Variants in GREB1 observed in about 807,000 individuals in gnomAD.
GREB1 encodes the protein growth regulating estrogen receptor binding 1.
GREB1 carries 106 observed loss-of-function variants against 200.7 expected under a neutral mutation model. That is an observed-to-expected ratio of 0.53 (90% CI 0.45 to 0.62). GREB1 has a LOEUF of 0.62. GREB1 is among the 20% of genes least tolerant of loss of function. The probability of loss-of-function intolerance (pLI) is 0.00; values close to 1 mark genes in which losing one functional copy is unlikely to be tolerated. For missense variants in GREB1, 2,243 were observed against 2,556.8 expected (o/e 0.88, Z 2.65); for synonymous variants, 1,132 against 1,092.4 (o/e 1.04, Z -0.72).
At chr2:11,507,229 C>T (rs1673205027) in intron 1 of GREB1, among the ~76,000 whole-genome samples, 3 of 151,940 alleles carry the variant, frequency 2.0e-5, no homozygotes, top group Admixed American at 6.6e-5. Context: ...GCCAACGTGG[C>T]GAAACCCCAT....
rs1241079844 is a variant in GREB1 at position 11,618,684 on chromosome 2, T to C, written c.3809T>C (p.Val1270Ala). The C allele has an allele frequency of 1.2e-6, 2 of 1,613,818 alleles. No homozygotes were observed. ...FLPKLVYDMVVSTDSSGLPKA... is the reference protein window; with the variant it reads ...FLPKLVYDMVASTDSSGLPKA... ...CCCAAGCTCGTGTACGACATGGTTGTGTCCACTGACAGCAGTGGCCTGCCC... is the reference window on the plus strand; with the variant it reads ...CCCAAGCTCGTGTACGACATGGTTGCGTCCACTGACAGCAGTGGCCTGCCC... Residue 1270 changes from valine to alanine, a missense_variant, in exon 22 of 33, where the codon GTG becomes GCG. By Grantham distance (64) the Val-to-Ala change is moderately conservative (BLOSUM62 0). Transcript: ENST00000381486.
At chr2:11,607,455 TGTGTG>T (rs1682425103) in intron 17 of GREB1, among the ~76,000 whole-genome samples, 1 of 51,288 alleles carries the variant, frequency 1.9e-5, no homozygotes, top group African/African-American at 3.8e-5. Context: ...TGTGTGTGTG[TGTGTG>T]TATATATATA....
chr2:11,566,750 A>G (rs1572730053), intron 4 of GREB1, 94 bp downstream of exon 4: 1 of 1,179,362 alleles, frequency 8.5e-7, no homozygotes, highest in Non-Finnish European at 1.2e-6. Context: ...CAACAGAGGG[A>G]CCATCTTTGG....
chr2:11,579,337 T>A (rs1679221448), intron 6 of GREB1, among the ~76,000 whole-genome samples: 1 of 152,230 alleles, frequency 6.6e-6, no homozygotes, highest in Non-Finnish European at 1.5e-5. Flanking sequence ...GCTGCTACCT[T>A]TTAGCTGAGT....
intron 13 of GREB1, 117 bp downstream of exon 13, chr2:11,596,356 G>A (rs1681204320): frequency 1.3e-6 from 1 of 799,622 alleles, no homozygotes; most frequent in Non-Finnish European, 2.0e-6. Context: ...TGTGCACAGT[G>A]AGGGGGCAGG....
rs529148421 is a variant in GREB1, at chr2:11,551,052, C to A, written c.-161-5402C>A. On this transcript the variant is annotated intron_variant, in intron 1 of 32. Transcript: ENST00000381486. ...TACTGGTACCATGGGAAGAGAATAGCTCAGGTCAATGTCCCAGCCACCTAG... is the reference window on the plus strand; with the variant it reads ...TACTGGTACCATGGGAAGAGAATAGATCAGGTCAATGTCCCAGCCACCTAG... 9.8e-5 allele frequency among the ~76,000 whole-genome samples: 15 copies of A among 152,316 alleles called. No homozygotes were observed. In the South Asian group the frequency reaches 1.5e-3, roughly 15 times the overall value.
At chr2:11,599,914 A>G (rs903417965) in intron 15 of GREB1, among the ~76,000 whole-genome samples, 3 of 152,228 alleles carry the variant, frequency 2.0e-5, no homozygotes, top group African/African-American at 7.2e-5. Context: ...AGCGCCTGGC[A>G]GGATTTCTGG....
upstream of GREB1, among the ~76,000 whole-genome samples, chr2:11,530,220 C>T (rs1674021873): frequency 6.6e-6 from 1 of 151,912 alleles, no homozygotes; most frequent in Non-Finnish European, 1.5e-5. Context: ...AGCCACCACA[C>T]CCAGCTAATT....
chr2:11,521,212 G>A (rs1673692953), intron 1 of GREB1, among the ~76,000 whole-genome samples: 1 of 152,052 alleles, frequency 6.6e-6, no homozygotes, highest in South Asian at 2.1e-4. Context: ...GGGCTCAGGT[G>A]ATGCCTCCTG....
intron 17 of GREB1, among the ~76,000 whole-genome samples, chr2:11,604,106 C>T (rs7596162): frequency 0.77 from 116,872 of 152,106 alleles, 45,753 homozygotes; most frequent in East Asian, 0.97. Flanking sequence ...TACCCTCTAT[C>T]AGTTTTAACC....
intron 1 of GREB1, among the ~76,000 whole-genome samples, chr2:11,490,167 G>A (rs893494944): frequency 2.6e-5 from 4 of 151,794 alleles, no homozygotes; most frequent in South Asian, 2.1e-4. Flanking sequence ...GAACATTTTC[G>A]TCACCCCAGA....
chr2:11,591,492 A>G (rs1680724223), intron 10 of GREB1: 1 of 713,192 alleles, frequency 1.4e-6, no homozygotes. Flanking sequence ...AGTCTCACTC[A>G]TCATCAAAGA....
rs996177751 is a variant in GREB1, at chr2:11,486,306, T to A, written c.-159+3925T>A. Among the ~76,000 whole-genome samples, 7 of 152,134 alleles carry A rather than the reference T, an allele frequency of 4.6e-5. No homozygotes were observed. In the Middle Eastern group the frequency reaches 0.01, roughly 222 times the overall value. ...ACATACACATATATTGTAGTACTTT[T>A]AAAAAAAATTTAGTTTTAATTGTAA... On this transcript the variant is annotated intron_variant, in intron 1 of 2. Transcript: ENST00000628795.
intron 19 of GREB1, among the ~76,000 whole-genome samples, chr2:11,613,027 T>G (rs1683076548): frequency 6.6e-6 from 1 of 152,218 alleles, no homozygotes; most frequent in African/African-American, 2.4e-5. Context: ...GCTGCCGCAA[T>G]GCCTGGGCCC....
intron 14 of GREB1, among the ~76,000 whole-genome samples, chr2:11,598,258 A>G (rs1681446373): frequency 6.6e-6 from 1 of 152,226 alleles, no homozygotes. Flanking sequence ...TTGTACTTTC[A>G]AGGATATCAT....
chr2:11,536,972 T>C (rs1674320690), intron 1 of GREB1, among the ~76,000 whole-genome samples: 1 of 152,214 alleles, frequency 6.6e-6, no homozygotes, highest in South Asian at 2.1e-4. Flanking sequence ...TTTTTTTTAT[T>C]TTTCTTTGAG....
At chr2:11,490,366 G>A (rs749257947) in intron 1 of GREB1, among the ~76,000 whole-genome samples, 13 of 152,168 alleles carry the variant, frequency 8.5e-5, no homozygotes, top group Non-Finnish European at 1.8e-4. Context: ...AGGTTTACCC[G>A]TGTTGTAGCA....
At chr2:11,497,278 C>T (rs1295382222) in intron 1 of GREB1, among the ~76,000 whole-genome samples, 4 of 152,144 alleles carry the variant, frequency 2.6e-5, no homozygotes, top group East Asian at 3.8e-4. Context: ...GGAACTTCAT[C>T]GAGGTTGTTT....
At chr2:11,592,007 C>T (rs1314301983) in intron 10 of GREB1, 1 of 984,238 alleles carries the variant, frequency 1.0e-6, no homozygotes. Flanking sequence ...TATTCCCTGT[C>T]CTGGAGTAGG....
Sources: allele counts gnomAD v4.1 joint callset (sites outside exome capture counted in the v4.1 genomes callset), GRCh38; gene constraint gnomAD v4.1.1; transcripts MANE v1.5; gene names NCBI Gene and HGNC (gene_info 2026-07-23, HGNC 2026-07-21).